The following IKZF2 variants were observed in gnomAD, a reference collection of about 807,000 sequenced individuals.
IKZF2 encodes zinc finger protein Helios.
IKZF2 carries 15 observed loss-of-function variants against 49.2 expected under a neutral mutation model. That is an observed-to-expected ratio of 0.30 (90% CI 0.20 to 0.47). The LOEUF is 0.47. Ranked by LOEUF, IKZF2 falls within the 20% of genes least tolerant of loss-of-function variation. IKZF2 has a pLI of 1.00. For synonymous variants in IKZF2, 227 were observed against 221.4 expected, an observed-to-expected ratio of 1.03 and a Z score of -0.23; for missense variants, 567 against 664.6, an observed-to-expected ratio of 0.85 and a Z score of 1.61.
rs148101333 is a variant in IKZF2 at position 213,060,222 on chromosome 2, C to T, written c.140-3123G>A. ...GAAACTCTCCCATGGTTTATTTTCA[C>T]TATTTAAGATGTTTGCAATTAATGT... On this transcript the variant is annotated intron_variant, in intron 4 of 8. Coordinates refer to ENST00000434687, the MANE Select transcript of IKZF2 (RefSeq NM_001387220.1). 3.1e-4 allele frequency among the ~76,000 whole-genome samples: 47 copies of T among 151,360 alleles called. No individual in the cohort carries two copies. In the Middle Eastern group the frequency reaches 0.014, roughly 45 times the overall value.
chr2:213,088,433 T>C (rs1013726370), intron 4 of IKZF2, among the ~76,000 whole-genome samples: 1 of 152,192 alleles, frequency 6.6e-6, no homozygotes, highest in Non-Finnish European at 1.5e-5. Context: ...TCCAATTTCA[T>C]TCCAAAGCTG....
chr2:213,083,551 C>CTTTTTTTTTTTTT (rs35297007), intron 4 of IKZF2, among the ~76,000 whole-genome samples: 2 of 93,954 alleles, frequency 2.1e-5, no homozygotes, highest in African/African-American at 8.1e-5. Flanking sequence ...ACCAGGCTAA[C>CTTTTTTTTTTTTT]TTTTTTTTTT....
intron 4 of IKZF2, among the ~76,000 whole-genome samples, chr2:213,107,826 A>G (rs1316182644): frequency 6.6e-6 from 1 of 152,200 alleles, no homozygotes; most frequent in Non-Finnish European, 1.5e-5. Flanking sequence ...ACACGACAGA[A>G]CACAATGCAT....
chr2:213,052,125 T>C (rs978050212), intron 5 of IKZF2, among the ~76,000 whole-genome samples: 1 of 152,050 alleles, frequency 6.6e-6, no homozygotes, highest in African/African-American at 2.4e-5. Context: ...AGTTTTTACA[T>C]TTACAAAATA....
intron 4 of IKZF2, among the ~76,000 whole-genome samples, chr2:213,060,174 T>C (rs1205260011): frequency 6.6e-6 from 1 of 151,390 alleles, no homozygotes; most frequent in African/African-American, 2.4e-5. Context: ...AACTATTACA[T>C]AGAAAAGTTT....
At chr2:213,092,302 TAC>T (rs1705436656) in intron 4 of IKZF2, among the ~76,000 whole-genome samples, 1 of 152,180 alleles carries the variant, frequency 6.6e-6, no homozygotes, top group Non-Finnish European at 1.5e-5. Flanking sequence ...ATGCTGAGAT[TAC>T]AGTGTGAGCC....
At chr2:213,066,234 C>T (rs1027198617) in intron 4 of IKZF2, among the ~76,000 whole-genome samples, 9 of 152,134 alleles carry the variant, frequency 5.9e-5, no homozygotes, top group South Asian at 4.2e-4. Context: ...TCACTAAGGA[C>T]GCTTAAACAA....
intron 4 of IKZF2, among the ~76,000 whole-genome samples, chr2:213,113,679 T>C (rs2059784857): frequency 2.0e-5 from 3 of 152,248 alleles, no homozygotes; most frequent in Admixed American, 6.5e-5. Context: ...GCTTGGTTTT[T>C]TTCCCCTTAT....
intron 4 of IKZF2, among the ~76,000 whole-genome samples, chr2:213,065,983 A>G (rs1030004813): frequency 1.3e-5 from 2 of 152,112 alleles, no homozygotes; most frequent in Non-Finnish European, 2.9e-5. Context: ...TTGGAAGAAG[A>G]CCAGCTTACA....
intron 8 of IKZF2, among the ~76,000 whole-genome samples, chr2:213,011,445 G>T (rs902657002): frequency 2.0e-5 from 3 of 151,902 alleles, no homozygotes; most frequent in Admixed American, 2.0e-4. Context: ...GTGCACAAGA[G>T]GGGGAATGAA....
intron 4 of IKZF2, among the ~76,000 whole-genome samples, chr2:213,138,494 G>A (rs1160884487): frequency 6.6e-6 from 1 of 151,932 alleles, no homozygotes; most frequent in East Asian, 1.9e-4. Flanking sequence ...ATTTTTTCAA[G>A]TAGATCAGAA....
chr2:213,032,479 A>C (rs1434717028), intron 6 of IKZF2, among the ~76,000 whole-genome samples: 1 of 152,212 alleles, frequency 6.6e-6, no homozygotes, highest in Admixed American at 6.5e-5. Flanking sequence ...CACACCTGTA[A>C]TACAAGCACT....
chr2:213,040,135 T>A (rs1016329925), intron 6 of IKZF2, among the ~76,000 whole-genome samples: 2 of 152,092 alleles, frequency 1.3e-5, no homozygotes, highest in African/African-American at 4.8e-5. Flanking sequence ...TTTCATCTGG[T>A]AGAAAAATAT....
intron 4 of IKZF2, among the ~76,000 whole-genome samples, chr2:213,125,943 C>T (rs968163667): frequency 1.3e-5 from 2 of 151,956 alleles, no homozygotes; most frequent in Non-Finnish European, 2.9e-5. Context: ...CTAGTATATA[C>T]CAAAAAATTA....
chr2:213,007,109 A>T lies in IKZF2; in HGVS notation c.*251T>A. On this transcript the variant is annotated 3_prime_UTR_variant, in exon 9 of 9. Coordinates refer to ENST00000434687, the MANE Select transcript of IKZF2 (RefSeq NM_001387220.1). ...GCCTTGGTAGAAATGGACTGCTCTT[A>T]AATTCCCACAAAATAAACAAGCCAG... 1 of 389,908 alleles carries T rather than the reference A, an allele frequency of 2.6e-6. No homozygotes were observed. Among genetic ancestry groups the T allele is most frequent in the Non-Finnish European group, 4.6e-6 (1 of 218,802 alleles). The allele number at this position is 389,908 out of a possible 1,614,324, so 24.2% of individuals were successfully genotyped here.
At chr2:213,037,469 G>A (rs770387994) in intron 6 of IKZF2, among the ~76,000 whole-genome samples, 4 of 152,152 alleles carry the variant, frequency 2.6e-5, no homozygotes, top group Admixed American at 6.5e-5. Context: ...AATGGTTATT[G>A]GTCTGGGGTA....
chr2:213,070,755 G>A (rs1033122909), intron 4 of IKZF2, among the ~76,000 whole-genome samples: 2 of 152,108 alleles, frequency 1.3e-5, no homozygotes, highest in East Asian at 1.9e-4. Flanking sequence ...TACAGTGTTT[G>A]AGAGGAACTA....
At chr2:213,030,648 CTTA>C (rs1698312871) in intron 6 of IKZF2, among the ~76,000 whole-genome samples, 1 of 152,056 alleles carries the variant, frequency 6.6e-6, no homozygotes, top group African/African-American at 2.4e-5. Context: ...ACAGACAAAA[CTTA>C]TTTAACCCAA....
rs1347044101 is a variant in IKZF2 at position 213,002,515 on chromosome 2, C to G, written c.*4845G>C. On this transcript the variant is annotated 3_prime_UTR_variant, in exon 9 of 9. Coordinates refer to ENST00000434687, the MANE Select transcript of IKZF2 (RefSeq NM_001387220.1). ...ATGATAAAAAGAAACACTAGCATAT[C>G]ACAGCTTCTTGGTCATATGCCATTT... 1 of 151,626 alleles carries G rather than the reference C, an allele frequency of 6.6e-6. No individual in the cohort carries two copies. The highest frequency in any genetic ancestry group is 2.4e-5 in the African/African-American group (1 of 41,390). 9.4% of individuals were successfully genotyped at this position (151,626 alleles called of 1,614,324 possible).
Sources: gnomAD v4.1 joint callset for allele counts (sites outside exome capture counted in the v4.1 genomes callset) on GRCh38, gnomAD v4.1.1 for gene constraint, MANE v1.5 for transcripts, NCBI Gene and HGNC (gene_info 2026-07-23, HGNC 2026-07-21) for gene names.